TMEM41B: variants seen among roughly 807,000 people sequenced by gnomAD.
TMEM41B encodes the protein transmembrane protein 41B, also known as protein stasimon.
A neutral mutation model predicts 31.9 loss-of-function variants in TMEM41B; 18 were observed. The ratio of observed to expected loss-of-function variants is 0.56; its 90% CI spans 0.39 to 0.84. TMEM41B has a LOEUF of 0.84. Among genes scored for constraint, TMEM41B ranks in the 40% least tolerant of loss-of-function variants. The pLI, the probability that TMEM41B is intolerant of heterozygous loss-of-function variation, is 0.00. For synonymous variants in TMEM41B, 144 were observed against 124.3 expected, an observed-to-expected ratio of 1.16 and a Z score of -1.05; for missense variants, 322 against 348.0, an observed-to-expected ratio of 0.93 and a Z score of 0.59.
chr11:9,314,461 G>T lies in TMEM41B; in HGVS notation c.-20C>A. 1 of 1,548,528 alleles carries T rather than the reference G, an allele frequency of 6.5e-7. No homozygotes were observed. The highest frequency in any genetic ancestry group is 1.2e-5 in the South Asian group (1 of 84,092). ...CGCCATGGCTGCTGCAAGGTGAAGG[G>T]AGCGGTGCGGTGCCGCGCCCCCTAA... is the stretch of plus-strand genomic sequence containing the variant. On this transcript the variant is annotated 5_prime_UTR_variant, in exon 1 of 7. Transcript: ENST00000528080.
At chr11:9,299,880 G>A (rs1853204475) in intron 1 of TMEM41B, among the ~76,000 whole-genome samples, 179 bp from the exon 2 acceptor site, 1 of 152,158 alleles carries the variant, frequency 6.6e-6, no homozygotes, top group Admixed American at 6.6e-5. Context: ...AGCACTTTGG[G>A]AAGCCGAGGC....
At chr11:9,311,224 G>C (rs1853553472) in intron 1 of TMEM41B, 1 of 1,468,500 alleles carries the variant, frequency 6.8e-7, no homozygotes, top group South Asian at 1.1e-5. Context: ...GGCATCTGAA[G>C]CTTGATAGGA....
At chr11:9,312,697 A>G (rs546865044) in intron 1 of TMEM41B, among the ~76,000 whole-genome samples, 30 of 152,206 alleles carry the variant, frequency 2.0e-4, no homozygotes, top group African/African-American at 6.7e-4. Flanking sequence ...ACAGGTCAGG[A>G]GATCGAGACC....
chr11:9,298,832 T>C (rs923317369), intron 2 of TMEM41B, among the ~76,000 whole-genome samples: 1 of 151,934 alleles, frequency 6.6e-6, no homozygotes, highest in African/African-American at 2.4e-5. Flanking sequence ...ACCTTCCTGA[T>C]ACTTTGATAT....
At chr11:9,299,024 T>C (rs1853171174) in intron 2 of TMEM41B, among the ~76,000 whole-genome samples, 1 of 151,970 alleles carries the variant, frequency 6.6e-6, no homozygotes. Context: ...CTCAAGCCTA[T>C]AATCCCAGCA....
intron 1 of TMEM41B, among the ~76,000 whole-genome samples, chr11:9,304,683 G>C (rs1195583123): frequency 6.6e-6 from 1 of 150,938 alleles, no homozygotes; most frequent in Non-Finnish European, 1.5e-5. Context: ...TTTTGAGATG[G>C]AGTCTCACTC....
chr11:9,306,950 TATC>T (rs1335330675), intron 1 of TMEM41B, among the ~76,000 whole-genome samples: 1 of 152,206 alleles, frequency 6.6e-6, no homozygotes, highest in Non-Finnish European at 1.5e-5. Flanking sequence ...CCCTTCATCT[TATC>T]ATTAAATGTC....
chr11:9,304,664 A>T (rs1327402467), intron 1 of TMEM41B, among the ~76,000 whole-genome samples: 1 of 146,102 alleles, frequency 6.8e-6, no homozygotes, highest in Non-Finnish European at 1.5e-5. Context: ...TAATTAATTA[A>T]TTTTTTTTTT....
At chr11:9,295,107 A>AT in intron 3 of TMEM41B, 152 bp downstream of exon 3, 3 of 1,019,168 alleles carry the variant, frequency 2.9e-6, no homozygotes, top group Non-Finnish European at 2.6e-6. Flanking sequence ...TAAAGTGATA[A>AT]TTTTTTTCCA....
Position 9,282,940 on chromosome 11 carries a change from G to GAAAAAAAAAAAAAAAAAAAA in TMEM41B, c.*464_*483dup. On this transcript the variant is annotated 3_prime_UTR_variant, in exon 7 of 7. Coordinates refer to ENST00000528080, the MANE Select transcript of TMEM41B (RefSeq NM_015012.4). ...CAGAGCTAGACTCCGTCTCAAAACA[G>GAAAAAAAAAAAAAAAAAAAA]AAAAAAAAAAAAAAAAAAAAAGAGG... The GAAAAAAAAAAAAAAAAAAAA allele has an allele frequency of 1.1e-5, 1 of 92,602 alleles. No homozygotes were observed. The highest frequency in any genetic ancestry group is 2.1e-5 in the Non-Finnish European group (1 of 46,898). The allele number at this position is 92,602 out of a possible 1,614,324, so 5.7% of individuals were successfully genotyped here.
intron 2 of TMEM41B, among the ~76,000 whole-genome samples, chr11:9,296,423 C>T (rs1007000393): frequency 1.3e-5 from 2 of 151,342 alleles, no homozygotes; most frequent in African/African-American, 4.9e-5. Flanking sequence ...ATGAGGAGTT[C>T]GAGACCAGCC....
Position 9,283,579 on chromosome 11 carries a change from A to T in TMEM41B, c.721T>A (p.Ser241Thr). The T allele has an allele frequency of 6.2e-7, 1 of 1,604,564 alleles. No homozygotes were observed. Among genetic ancestry groups the T allele is most frequent in the Non-Finnish European group, 8.5e-7 (1 of 1,177,862 alleles). Reference protein sequence around the residue: ...IGTFLGVAPPSFVAIKAGTTL... With the variant: ...IGTFLGVAPPTFVAIKAGTTL... ...GTTCCTGCCTTAATGGCTACAAAAG[A>T]AGGAGGTGCGACACCTGAAATAAAA... Residue 241 changes from serine to threonine, a missense_variant, in exon 7 of 7, where the codon TCT (serine) becomes ACT (threonine). Transcript: ENST00000528080.
At chr11:9,307,204 T>C (rs1853418539) in intron 1 of TMEM41B, among the ~76,000 whole-genome samples, 1 of 152,114 alleles carries the variant, frequency 6.6e-6, no homozygotes, top group Non-Finnish European at 1.5e-5. Flanking sequence ...TCTAGTCCAT[T>C]AGTTTTCAAT....
In TMEM41B at chr11:9,314,471, G is replaced by A. The variant is rs374661073; in HGVS notation, c.-30C>T. On this transcript the variant is annotated 5_prime_UTR_variant, in exon 1 of 7. Coordinates refer to ENST00000528080, the MANE Select transcript of TMEM41B (RefSeq NM_015012.4). ...GCTGCAAGGTGAAGGGAGCGGTGCG[G>A]TGCCGCGCCCCCTAAACAACAAAAC... is the stretch of plus-strand genomic sequence containing the variant. 41 of 1,538,976 alleles carry A rather than the reference G, an allele frequency of 2.7e-5. No homozygotes were observed. In the African/African-American group the frequency reaches 4.8e-4, roughly 18 times the overall value.
chr11:9,289,416 C>T (rs184521112), intron 3 of TMEM41B, among the ~76,000 whole-genome samples: 10 of 152,096 alleles, frequency 6.6e-5, no homozygotes, highest in Admixed American at 2.6e-4. Context: ...TGAATTCCCT[C>T]AACATCTCTC....
chr11:9,281,935 A>G lies in TMEM41B; in HGVS notation c.*1489T>C, dbSNP rs1472295988. ...AATGAGGTAAAATTTAGTCATTGGA[A>G]CAAATAAACTATATTTAATCACTTG... On this transcript the variant is annotated 3_prime_UTR_variant, in exon 7 of 7. Transcript: ENST00000528080. 6.6e-6 allele frequency: 1 copy of G among 152,242 alleles called. No homozygotes were observed. The highest frequency in any genetic ancestry group is 1.9e-4 in the East Asian group (1 of 5,204). The allele number at this position is 152,242 out of a possible 1,614,324, so 9.4% of individuals were successfully genotyped here. A position where few individuals can be genotyped will look rare whatever the true frequency, so the allele number is the denominator to read the frequency against.
intron 2 of TMEM41B, among the ~76,000 whole-genome samples, chr11:9,296,985 C>T (rs1251802080): frequency 2.6e-5 from 4 of 152,164 alleles, no homozygotes; most frequent in South Asian, 2.1e-4. Context: ...TGCAATGGCA[C>T]GATCATAGCT....
chr11:9,291,287 CAGG>C (rs975326368), intron 3 of TMEM41B, among the ~76,000 whole-genome samples: 18 of 152,104 alleles, frequency 1.2e-4, no homozygotes, highest in African/African-American at 4.1e-4. Context: ...CAAGCTGAAG[CAGG>C]AGAATTGCTT....
At chr11:9,290,853 T>A (rs1590374694) in intron 3 of TMEM41B, among the ~76,000 whole-genome samples, 1 of 152,130 alleles carries the variant, frequency 6.6e-6, no homozygotes, top group Non-Finnish European at 1.5e-5. Flanking sequence ...GCACCGTGGC[T>A]CCCGCCTGTA....
Sources: gnomAD v4.1 joint callset for allele counts (sites outside exome capture counted in the v4.1 genomes callset) on GRCh38, gnomAD v4.1.1 for gene constraint, MANE v1.5 for transcripts, NCBI Gene and HGNC (gene_info 2026-07-23, HGNC 2026-07-21) for gene names.